SOX5: variants seen among roughly 807,000 people sequenced by gnomAD.
The protein encoded by SOX5 is transcription factor SOX-5.
A neutral mutation model predicts 92.0 loss-of-function variants in SOX5; 9 were observed. That is an observed-to-expected ratio of 0.10 (90% confidence interval 0.06 to 0.17). SOX5 has a LOEUF of 0.17. SOX5 is among the 10% of genes least tolerant of loss of function. The pLI, the probability that SOX5 is intolerant of heterozygous loss-of-function variation, is 1.00. For synonymous variants in SOX5, 344 were observed against 336.3 expected (o/e 1.02, Z -0.25); for missense variants, 642 against 944.5 (o/e 0.68, Z 4.20).
chr12:24,465,101 C>T (rs549821433), intron 1 of SOX5, among the ~76,000 whole-genome samples: 34 of 152,320 alleles, frequency 2.2e-4, no homozygotes, highest in African/African-American at 7.5e-4. Context: ...GGCTTTATCT[C>T]TCATTTCATG....
intron 9 of SOX5, among the ~76,000 whole-genome samples, chr12:23,582,804 C>A (rs1050736709): frequency 1.1e-4 from 16 of 152,070 alleles, no homozygotes; most frequent in Non-Finnish European, 1.9e-4. Context: ...AAAGTAGATG[C>A]TAGTAGTGTG....
At chr12:23,685,387 C>G (rs2087351159) in intron 6 of SOX5, among the ~76,000 whole-genome samples, 2 of 151,800 alleles carry the variant, frequency 1.3e-5, no homozygotes, top group Admixed American at 1.3e-4. Flanking sequence ...GAAAAGAGCT[C>G]AAACATAAAG....
At chr12:24,355,962 A>G (rs1414896612) in intron 2 of SOX5, among the ~76,000 whole-genome samples, 1 of 152,244 alleles carries the variant, frequency 6.6e-6, no homozygotes, top group Non-Finnish European at 1.5e-5. Context: ...TTTAAAAAAT[A>G]GAAAGATGCA....
intron 3 of SOX5, among the ~76,000 whole-genome samples, chr12:24,236,868 G>A (rs1303939827): frequency 6.6e-6 from 1 of 151,500 alleles, no homozygotes; most frequent in Non-Finnish European, 1.5e-5. Context: ...TGAGTGAAAG[G>A]TCAATCCCAG....
intron 1 of SOX5, among the ~76,000 whole-genome samples, chr12:23,932,096 C>G (rs1941560129): frequency 1.3e-5 from 2 of 151,424 alleles, no homozygotes; most frequent in Admixed American, 6.6e-5. Context: ...ACACCAAAAT[C>G]TGAACTTGGT....
intron 3 of SOX5, among the ~76,000 whole-genome samples, chr12:23,844,649 T>C (rs1186645234): frequency 6.6e-6 from 1 of 152,202 alleles, no homozygotes; most frequent in Non-Finnish European, 1.5e-5. Flanking sequence ...ATTTCACAAG[T>C]ATTCTAAACT....
intron 4 of SOX5, among the ~76,000 whole-genome samples, chr12:24,002,051 A>C: frequency 6.6e-6 from 1 of 152,194 alleles, no homozygotes; most frequent in East Asian, 1.9e-4. Context: ...GGATACAGCT[A>C]AAGTAGTGCT....
intron 4 of SOX5, among the ~76,000 whole-genome samples, chr12:24,086,562 G>A (rs1024940802): frequency 6.6e-6 from 1 of 151,896 alleles, no homozygotes; most frequent in African/African-American, 2.4e-5. Context: ...ATACACTCAT[G>A]AAGCTAGTCA....
chr12:23,972,011 T>G (rs988169354), intron 4 of SOX5, among the ~76,000 whole-genome samples: 1 of 152,196 alleles, frequency 6.6e-6, no homozygotes, highest in Non-Finnish European at 1.5e-5. Flanking sequence ...TAGTATCCAT[T>G]TGGGCATTCA....
intron 6 of SOX5, among the ~76,000 whole-genome samples, chr12:23,683,960 G>A (rs1446680503): frequency 6.6e-6 from 1 of 151,968 alleles, no homozygotes; most frequent in African/African-American, 2.4e-5. Context: ...ACTGGGGATG[G>A]GAGAAAGGGG....
intron 4 of SOX5, among the ~76,000 whole-genome samples, chr12:24,189,253 C>T (rs1033937980): frequency 6.6e-6 from 1 of 152,134 alleles, no homozygotes; most frequent in South Asian, 2.1e-4. Context: ...TTCTCCAATA[C>T]CTGAAAGGCC....
At chr12:24,235,919 G>A (rs1964396332) in intron 3 of SOX5, among the ~76,000 whole-genome samples, 1 of 152,178 alleles carries the variant, frequency 6.6e-6, no homozygotes, top group Non-Finnish European at 1.5e-5. Context: ...GCTGGGTGTG[G>A]TGGCTCACGC....
intron 4 of SOX5, among the ~76,000 whole-genome samples, chr12:24,160,164 T>C (rs1952606168): frequency 6.6e-6 from 1 of 152,082 alleles, no homozygotes; most frequent in Non-Finnish European, 1.5e-5. Context: ...ATTTTTTTTC[T>C]AGAAAGAGGT....
At chr12:23,838,849 G>GA (rs1385206107) in intron 3 of SOX5, among the ~76,000 whole-genome samples, 1 of 105,686 alleles carries the variant, frequency 9.5e-6, no homozygotes, top group Non-Finnish European at 2.0e-5. Flanking sequence ...TTTTTGGGGG[G>GA]GGGGGGCGGG....
At chr12:23,713,090 T>G (rs10842217) in intron 6 of SOX5, among the ~76,000 whole-genome samples, 4,375 of 152,008 alleles carry the variant, frequency 0.029, 194 homozygotes, top group African/African-American at 0.099. Context: ...AATCAAAGAG[T>G]AGTTTCCTTA....
At chr12:23,678,918 G>T (rs1007049335) in intron 6 of SOX5, among the ~76,000 whole-genome samples, 5 of 151,852 alleles carry the variant, frequency 3.3e-5, no homozygotes, top group African/African-American at 1.2e-4. Context: ...TTAATCCTAA[G>T]TATCAAAATA....
chr12:24,053,025 T>A (rs545567394), intron 4 of SOX5, among the ~76,000 whole-genome samples: 126 of 152,356 alleles, frequency 8.3e-4, no homozygotes, highest in South Asian at 2.5e-3. Flanking sequence ...ATGTTCTCCT[T>A]GTCTGCCTTT....
chr12:23,807,884 G>C (rs1207102443), intron 3 of SOX5, among the ~76,000 whole-genome samples: 1 of 151,996 alleles, frequency 6.6e-6, no homozygotes, highest in Non-Finnish European at 1.5e-5. Context: ...TTGACCTCAA[G>C]TGATCTGCCC....
chr12:23,884,581 T>C (rs980479409), intron 2 of SOX5, among the ~76,000 whole-genome samples: 1 of 152,188 alleles, frequency 6.6e-6, no homozygotes, highest in Admixed American at 6.5e-5. Flanking sequence ...CCCCCACAAG[T>C]ATTTCTAAAG....
Sources: gnomAD v4.1 joint callset for allele counts (sites outside exome capture counted in the v4.1 genomes callset) on GRCh38, gnomAD v4.1.1 for gene constraint, MANE v1.5 for transcripts, NCBI Gene and HGNC (gene_info 2026-07-23, HGNC 2026-07-21) for gene names.